The following STAU1 variants were observed in gnomAD, a reference collection of about 807,000 sequenced individuals.
STAU1 encodes the protein staufen double-stranded RNA binding protein 1.
A neutral mutation model predicts 62.9 loss-of-function variants in STAU1; 13 were observed. The observed-to-expected ratio is 0.21, with a 90% CI of 0.13 to 0.33. STAU1 has a LOEUF of 0.33. STAU1 is among the 10% of genes least tolerant of loss of function. STAU1 has a pLI of 1.00. For synonymous variants in STAU1, 269 were observed against 265.1 expected, an observed-to-expected ratio of 1.01 and a Z score of -0.14; for missense variants, 571 against 712.1, an observed-to-expected ratio of 0.80 and a Z score of 2.25.
chr20:49,153,809 T>TC (rs748076092), intron 4 of STAU1, 124 bp downstream of exon 4: 1 of 1,003,968 alleles, frequency 1.0e-6, no homozygotes. Flanking sequence ...AAGACCAACT[T>TC]CAACACTTGG....
chr20:49,148,048 G>GA (rs1285310561), intron 5 of STAU1, among the ~76,000 whole-genome samples: 6 of 151,156 alleles, frequency 4.0e-5, no homozygotes, highest in South Asian at 2.1e-4. Flanking sequence ...CTATTTTTAA[G>GA]AAAAAAAAAG....
chr20:49,120,745 A>C (rs1293982566), intron 8 of STAU1, among the ~76,000 whole-genome samples: 1 of 152,214 alleles, frequency 6.6e-6, no homozygotes, highest in Non-Finnish European at 1.5e-5. Context: ...GAAGCCACTC[A>C]TATCATTTAC....
At chr20:49,162,062 T>G (rs1250710239) in intron 3 of STAU1, among the ~76,000 whole-genome samples, 9 of 152,172 alleles carry the variant, frequency 5.9e-5, no homozygotes, top group Non-Finnish European at 1.3e-4. Context: ...CGCCCATTAT[T>G]TCGCTAAACT....
At chr20:49,122,768 T>C (rs958327018) in intron 8 of STAU1, among the ~76,000 whole-genome samples, 8 of 151,860 alleles carry the variant, frequency 5.3e-5, no homozygotes, top group African/African-American at 1.9e-4. Flanking sequence ...ATACAAAAAA[T>C]TAGCTGGGCA....
chr20:49,189,247 A>T (rs1465344530), upstream of STAU1, among the ~76,000 whole-genome samples: 8 of 142,482 alleles, frequency 5.6e-5, no homozygotes, highest in Non-Finnish European at 1.1e-4. Flanking sequence ...AAAAGACGAG[A>T]AGTGCCAGAT....
intron 6 of STAU1, among the ~76,000 whole-genome samples, chr20:49,132,759 CCAAAA>C (rs11470997): frequency 0.38 from 57,645 of 151,154 alleles, 11,033 homozygotes; most frequent in Middle Eastern, 0.48. Flanking sequence ...AACTCCATCT[CCAAAA>C]CAAAACAAAA....
At position 49,117,839 on chromosome 20, in the gene STAU1, G is replaced by GGGGTACGTGGCCTGAAGA; in HGVS notation, c.1429_1446dup (p.Ser477_Pro482dup). 1 of 1,614,176 alleles carries GGGGTACGTGGCCTGAAGA rather than the reference G, an allele frequency of 6.2e-7. No individual in the cohort carries two copies. Among genetic ancestry groups the GGGGTACGTGGCCTGAAGA allele is most frequent in the Non-Finnish European group, 8.5e-7 (1 of 1,180,046 alleles). On this transcript the variant is annotated inframe_insertion, in exon 11 of 14. Coordinates refer to ENST00000371856, the MANE Select transcript of STAU1 (RefSeq NM_017453.4). The surrounding 1 kb of genome is among the most constrained non-coding windows in gnomAD (Gnocchi z 4.6). The stretch of plus-strand genomic sequence containing the variant: ...TCAGAGGGTCTCGTGAGAGGTCCAT[G>GGGGTACGTGGCCTGAAGA]GGGTACGTGGCCTGAAGAGATGTTA...
chr20:49,195,318 A>T, the STAU1 span, among the ~76,000 whole-genome samples: 4 of 151,650 alleles, frequency 2.6e-5, no homozygotes, highest in African/African-American at 9.7e-5. Flanking sequence ...CAGGCGGATC[A>T]CGAAGTCAAG....
chr20:49,154,743 G>A (rs1263044857), intron 3 of STAU1, among the ~76,000 whole-genome samples: 2 of 151,978 alleles, frequency 1.3e-5, no homozygotes, highest in African/African-American at 4.8e-5. Context: ...GCGGGTGCCT[G>A]CAGTCCCAGC....
chr20:49,202,763 G>A, the STAU1 span, among the ~76,000 whole-genome samples: 1 of 151,970 alleles, frequency 6.6e-6, no homozygotes, highest in Non-Finnish European at 1.5e-5. Flanking sequence ...AGGAGGCCAG[G>A]CTCCGTGGCT....
At chr20:49,204,608 ATATATATATATATATGTG>A in the STAU1 span, among the ~76,000 whole-genome samples, 525 of 64,090 alleles carry the variant, frequency 8.2e-3, 1 homozygote, top group Non-Finnish European at 0.011. Context: ...ATATATATAT[ATATATATATATATATGTG>A]TATATATATA....
At chr20:49,139,193 T>G (rs1053678862) in intron 5 of STAU1, among the ~76,000 whole-genome samples, 1 of 152,100 alleles carries the variant, frequency 6.6e-6, no homozygotes. Context: ...TTCTTACATA[T>G]GACATGAAAA....
chr20:49,172,183 C>G (rs1412723786), intron 2 of STAU1, among the ~76,000 whole-genome samples: 3 of 152,180 alleles, frequency 2.0e-5, no homozygotes, highest in Non-Finnish European at 4.4e-5. Context: ...GTCAGATGGT[C>G]TGCTTAAAGA....
intron 8 of STAU1, 47 bp from the exon 9 acceptor site, chr20:49,120,175 T>C (rs2092433000): frequency 1.3e-6 from 2 of 1,566,856 alleles, no homozygotes; most frequent in Admixed American, 1.8e-5. Context: ...ACCTTCAGAA[T>C]AACAACCAGG....
chr20:49,132,767 A>G (rs1481260784), intron 6 of STAU1, among the ~76,000 whole-genome samples: 2 of 152,062 alleles, frequency 1.3e-5, no homozygotes, highest in African/African-American at 2.4e-5. Context: ...CTCCAAAACA[A>G]AACAAAACAA....
intron 1 of STAU1, chr20:49,179,079 TAA>T (rs3091668): frequency 5.8e-4 from 66 of 114,062 alleles, no homozygotes; most frequent in Non-Finnish European, 5.9e-4. Flanking sequence ...AGACTCCATC[TAA>T]AAAAAAAAAA....
At chr20:49,128,110 T>C (rs1255938775) in intron 6 of STAU1, among the ~76,000 whole-genome samples, 1 of 151,686 alleles carries the variant, frequency 6.6e-6, no homozygotes, top group Non-Finnish European at 1.5e-5. Flanking sequence ...GATCACGCCA[T>C]TGCACTCCAG....
At chr20:49,131,441 A>C (rs2092747050) in intron 6 of STAU1, among the ~76,000 whole-genome samples, 1 of 152,226 alleles carries the variant, frequency 6.6e-6, no homozygotes, top group South Asian at 2.1e-4. Context: ...CCTTGCTCTT[A>C]AGAGATACAT....
intron 3 of STAU1, among the ~76,000 whole-genome samples, chr20:49,164,042 G>C (rs758102322): frequency 1.3e-5 from 2 of 152,022 alleles, no homozygotes; most frequent in Non-Finnish European, 2.9e-5. Flanking sequence ...GATGAGCCTG[G>C]GCAACACAGT....
Sources: allele counts gnomAD v4.1 joint callset (sites outside exome capture counted in the v4.1 genomes callset), GRCh38; gene constraint gnomAD v4.1.1; non-coding constraint Gnocchi (gnomAD v3.1); transcripts MANE v1.5; gene names NCBI Gene and HGNC (gene_info 2026-07-23, HGNC 2026-07-21).